The following AGBL2 variants were observed in gnomAD, a reference collection of about 807,000 sequenced individuals.
AGBL2 encodes the protein cytosolic carboxypeptidase 2.
AGBL2 carries 87 observed loss-of-function variants against 103.0 expected under a neutral mutation model. The observed-to-expected ratio is 0.84, with a 90% CI of 0.71 to 1.01. AGBL2 has a LOEUF of 1.01. Ranked by LOEUF, AGBL2 falls within the 50% of genes least tolerant of loss-of-function variation. AGBL2 has a pLI of 0.00. For missense variants in AGBL2, 904 were observed against 1,023.5 expected (o/e 0.88, Z 1.59); for synonymous variants, 335 against 356.7 (o/e 0.94, Z 0.69).
Position 47,712,957 on chromosome 11 carries a change from G to A in AGBL2, c.97+1327C>T, listed in dbSNP as rs574077690. Reference sequence around the variant, plus strand: ...CTTGGGAGGCTGAGGCAGGAAAATCGCTTGACCCCGCGAGGTGGAAGTTGC... The same window carrying A: ...CTTGGGAGGCTGAGGCAGGAAAATCACTTGACCCCGCGAGGTGGAAGTTGC... On this transcript the variant is annotated intron_variant, in intron 3 of 18. Coordinates refer to ENST00000525123, the MANE Select transcript of AGBL2 (RefSeq NM_024783.4). Among the ~76,000 whole-genome samples, 6 of 150,170 alleles carry A rather than the reference G, an allele frequency of 4.0e-5. No homozygotes were observed. In the South Asian group the frequency reaches 6.4e-4, roughly 16 times the overall value.
intron 1 of AGBL2, 138 bp from the exon 2 acceptor site, chr11:47,714,888 T>G: frequency 1.8e-6 from 1 of 549,730 alleles, no homozygotes; most frequent in Non-Finnish European, 3.3e-6. Flanking sequence ...AGGCCAGAGG[T>G]GCATCTGAGA....
intron 14 of AGBL2, among the ~76,000 whole-genome samples, chr11:47,671,224 C>G (rs1419707717): frequency 6.6e-6 from 1 of 151,918 alleles, no homozygotes; most frequent in Non-Finnish European, 1.5e-5. Flanking sequence ...ACACAGTTTA[C>G]TGGCACAAGG....
intron 9 of AGBL2, among the ~76,000 whole-genome samples, chr11:47,691,729 A>AAAAAAATATATATATATAT: frequency 4.1e-4 from 2 of 4,856 alleles, no homozygotes; most frequent in African/African-American, 1.4e-3. Flanking sequence ...AAAAAAAAAA[A>AAAAAAATATATATATATAT]ATATATATAT....
At chr11:47,682,321 GCT>G (rs2097404557) in intron 11 of AGBL2, among the ~76,000 whole-genome samples, 1 of 152,096 alleles carries the variant, frequency 6.6e-6, no homozygotes, top group African/African-American at 2.4e-5. Flanking sequence ...AACTAAACAG[GCT>G]CTCTCTGCAA....
chr11:47,673,070 G>A (rs1386959538), intron 14 of AGBL2, among the ~76,000 whole-genome samples: 3 of 152,166 alleles, frequency 2.0e-5, no homozygotes, highest in African/African-American at 7.2e-5. Flanking sequence ...AAAAATATTT[G>A]TTGAGCTCTT....
chr11:47,688,488 G>C (rs2097432860), intron 10 of AGBL2, among the ~76,000 whole-genome samples: 2 of 152,226 alleles, frequency 1.3e-5, no homozygotes, highest in African/African-American at 2.4e-5. Flanking sequence ...TTTGTCTCAT[G>C]ATCACCCAGG....
chr11:47,700,069 C>T (rs375794601), intron 7 of AGBL2, among the ~76,000 whole-genome samples: 64 of 151,936 alleles, frequency 4.2e-4, no homozygotes, highest in Middle Eastern at 3.4e-3. Context: ...GCGATTCTCT[C>T]GCCTCAGCCT....
In AGBL2 at chr11:47,666,688, G is replaced by T. The variant is rs138022129; in HGVS notation, c.2448+268C>A. On this transcript the variant is annotated intron_variant, in intron 17 of 18. Coordinates refer to ENST00000525123, the MANE Select transcript of AGBL2 (RefSeq NM_024783.4). Reference sequence around the variant, plus strand: ...CTGATTGAGTAGATGGGTGAGTAGAGGGATGAATGGATGGTAAGTAAGGCA... The same window carrying T: ...CTGATTGAGTAGATGGGTGAGTAGATGGATGAATGGATGGTAAGTAAGGCA... 1,397 of 596,492 alleles carry T rather than the reference G, an allele frequency of 2.3e-3. 2 individuals carry two copies. The highest frequency in any genetic ancestry group is 0.011 in the Middle Eastern group (42 of 3,770). 36.9% of individuals were successfully genotyped at this position (596,492 alleles called of 1,614,324 possible). A position where few individuals can be genotyped will look rare whatever the true frequency, so the allele number is the denominator to read the frequency against.
At chr11:47,684,921 T>C (rs561729413) in intron 11 of AGBL2, among the ~76,000 whole-genome samples, 64 of 152,134 alleles carry the variant, frequency 4.2e-4, no homozygotes, top group African/African-American at 1.5e-3. Flanking sequence ...GAATTTCAAC[T>C]TATGGAGGGG....
chr11:47,701,315 T>A (rs2097498283), intron 7 of AGBL2, among the ~76,000 whole-genome samples: 2 of 147,350 alleles, frequency 1.4e-5, no homozygotes, highest in South Asian at 4.3e-4. Flanking sequence ...CTAAAAAAAG[T>A]AAAAAATTAG....
chr11:47,678,797 C>T (rs1598948762), intron 13 of AGBL2, among the ~76,000 whole-genome samples: 1 of 151,036 alleles, frequency 6.6e-6, no homozygotes, highest in East Asian at 2.0e-4. Flanking sequence ...GTGGCTCGCG[C>T]CTATAATCCC....
At chr11:47,663,398 C>T (rs565740425) in intron 17 of AGBL2, among the ~76,000 whole-genome samples, 2 of 152,262 alleles carry the variant, frequency 1.3e-5, no homozygotes, top group South Asian at 2.1e-4. Context: ...GATGCAGAAA[C>T]TTAGTAACCC....
At position 47,677,340 on chromosome 11, in the gene AGBL2, T is replaced by C. The variant is rs2097379568; in HGVS notation, c.2078A>G (p.His693Arg). 2.5e-6 allele frequency: 4 copies of C among 1,611,922 alleles called. No individual in the cohort carries two copies. The highest frequency in any genetic ancestry group is 1.7e-6 in the Non-Finnish European group (2 of 1,178,740). ...TAAATCTACATCTTGTCCAAGTTCA[T>C]GGAATTTCTTGTGGATTTCCTGTCG... is the stretch of plus-strand genomic sequence containing the variant. ...LLRQEIHKKF[H>R]ELGQDVDLEG... The change falls in exon 14 of 19, where the codon CAT (histidine) becomes CGT (arginine). Residue 693 changes from histidine to arginine, a missense_variant. Coordinates refer to ENST00000525123, the MANE Select transcript of AGBL2 (RefSeq NM_024783.4).
intron 14 of AGBL2, among the ~76,000 whole-genome samples, chr11:47,676,705 G>C (rs1242876263): frequency 6.6e-6 from 1 of 151,468 alleles, no homozygotes; most frequent in African/African-American, 2.4e-5. Flanking sequence ...TGTAGTCCCA[G>C]CTACTCGGGA....
Position 47,714,636 on chromosome 11 carries a change from C to T in AGBL2, c.15G>A (p.Leu5=). MFPA[L]ETHLKQTIPD... ...TACCGACCTGCTTTAGGTGCGTTTC[C>T]AAAGCTGGGAACATGTTACTTCTGG... is the stretch of plus-strand genomic sequence containing the variant. Residue 5 remains leucine (L), a synonymous_variant, in exon 2 of 19, where the codon TTG becomes TTA. Transcript: ENST00000525123. 6.2e-7 allele frequency: 1 copy of T among 1,613,742 alleles called. No homozygotes were observed. Among genetic ancestry groups the T allele is most frequent in the South Asian group, 1.1e-5 (1 of 91,046 alleles).
chr11:47,669,030 C>A, intron 14 of AGBL2, 123 bp from the exon 15 acceptor site: 1 of 668,176 alleles, frequency 1.5e-6, no homozygotes. Flanking sequence ...CTATTTCTCT[C>A]ATTGTCTATG....
At chr11:47,707,075 T>A (rs1266120379) in intron 4 of AGBL2, among the ~76,000 whole-genome samples, 1 of 149,506 alleles carries the variant, frequency 6.7e-6, no homozygotes, top group African/African-American at 2.5e-5. Context: ...GGCACGTGCC[T>A]GTAATCCTAG....
At position 47,685,902 on chromosome 11, in the gene AGBL2, T is replaced by C; in HGVS notation, c.1779A>G (p.Ala593=). ...RVFPLMLCKN[A]PDKFSFHSCN... ...TACATTATGTGCTTACCTTATCTGG[T>C]GCATTTTTGCATAACATTAAAGGAA... Residue 593 remains alanine (A), a synonymous_variant, in exon 11 of 19, where the codon GCA becomes GCG. Transcript: ENST00000525123. 6.2e-7 allele frequency: 1 copy of C among 1,613,948 alleles called. No individual in the cohort carries two copies. The highest frequency in any genetic ancestry group is 8.5e-7 in the Non-Finnish European group (1 of 1,179,946).
Position 47,685,198 on chromosome 11 carries a change from C to T in AGBL2, c.1788+695G>A, listed in dbSNP as rs114205370. ...ACACTCCAGCCTCGACAGAGCGAGA[C>T]TCCGTCTCAAAAAAAAAAATAAAAA... On this transcript the variant is annotated intron_variant, in intron 11 of 18. Transcript: ENST00000525123. Among the ~76,000 whole-genome samples the T allele has an allele frequency of 9.2e-3, 1,396 of 151,866 alleles. 26 individuals carry two copies. The highest frequency in any genetic ancestry group is 0.032 in the African/African-American group (1,335 of 41,398).
Sources: gnomAD v4.1 joint callset for allele counts (sites outside exome capture counted in the v4.1 genomes callset) on GRCh38, gnomAD v4.1.1 for gene constraint, MANE v1.5 for transcripts, NCBI Gene and HGNC (gene_info 2026-07-23, HGNC 2026-07-21) for gene names.